The following PCDH15 variants were observed in gnomAD, a reference collection of about 807,000 sequenced individuals.
PCDH15 encodes the protein protocadherin-15.
PCDH15 carries 129 observed loss-of-function variants against 178.5 expected under a neutral mutation model. That is an observed-to-expected ratio of 0.72 (90% CI 0.63 to 0.84). The LOEUF (loss-of-function observed/expected upper bound fraction) is 0.84, where lower values mean the gene tolerates loss of function less well. Among genes scored for constraint, PCDH15 ranks in the 40% least tolerant of loss-of-function variants. PCDH15 has a pLI of 0.00. For synonymous variants in PCDH15, 800 were observed against 732.0 expected, an observed-to-expected ratio of 1.09 and a Z score of -1.50; for missense variants, 2,230 against 2,099.9, an observed-to-expected ratio of 1.06 and a Z score of -1.21.
chr10:54,066,043 A>G (rs1294283049), intron 18 of PCDH15, among the ~76,000 whole-genome samples: 1 of 152,182 alleles, frequency 6.6e-6, no homozygotes, highest in African/African-American at 2.4e-5. Flanking sequence ...TCACTAAACC[A>G]AGATTCTTTC....
chr10:55,161,461 A>G (rs184201289), intron 2 of PCDH15, among the ~76,000 whole-genome samples: 14 of 152,206 alleles, frequency 9.2e-5, no homozygotes, highest in African/African-American at 2.6e-4. Flanking sequence ...ACCCAGCCAC[A>G]TATTTGTTTC....
chr10:55,302,179 G>T (rs1378713624), intron 1 of PCDH15, among the ~76,000 whole-genome samples: 1 of 151,968 alleles, frequency 6.6e-6, no homozygotes, highest in Non-Finnish European at 1.5e-5. Context: ...TGCCAATGTA[G>T]ACAGAATTGG....
chr10:54,115,492 G>A (rs1435578964), intron 15 of PCDH15, among the ~76,000 whole-genome samples: 1 of 152,202 alleles, frequency 6.6e-6, no homozygotes, highest in Admixed American at 6.5e-5. Context: ...GTCCTATTCA[G>A]AGAATGCCTC....
At chr10:55,595,052 C>T (rs1240881399) in intron 2 of PCDH15, among the ~76,000 whole-genome samples, 1 of 151,968 alleles carries the variant, frequency 6.6e-6, no homozygotes, top group Non-Finnish European at 1.5e-5. Context: ...AATTTTTAAT[C>T]ATTGAAATTC....
At chr10:53,954,959 A>G (rs1337090824) in intron 23 of PCDH15, among the ~76,000 whole-genome samples, 2 of 152,204 alleles carry the variant, frequency 1.3e-5, no homozygotes, top group Non-Finnish European at 2.9e-5. Context: ...GAATCTGTAA[A>G]TTGTTTACAA....
chr10:54,135,801 C>G (rs557712697), intron 14 of PCDH15, among the ~76,000 whole-genome samples: 13 of 152,000 alleles, frequency 8.6e-5, no homozygotes, highest in Non-Finnish European at 1.8e-4. Context: ...TTGACGCTGC[C>G]CTCAATGATC....
At chr10:54,474,849 C>T (rs1172367244) in intron 3 of PCDH15, among the ~76,000 whole-genome samples, 2 of 151,830 alleles carry the variant, frequency 1.3e-5, no homozygotes, top group Non-Finnish European at 2.9e-5. Flanking sequence ...ATTCTTTGAA[C>T]AGAGTGAAAA....
At chr10:55,535,003 A>G (rs1841539032) in intron 2 of PCDH15, among the ~76,000 whole-genome samples, 1 of 152,076 alleles carries the variant, frequency 6.6e-6, no homozygotes, top group Non-Finnish European at 1.5e-5. Context: ...GGAGCTAAAC[A>G]TTGAGCACAC....
chr10:54,817,155 C>A (rs961343314), intron 3 of PCDH15, among the ~76,000 whole-genome samples: 2 of 151,812 alleles, frequency 1.3e-5, no homozygotes, highest in African/African-American at 4.8e-5. Flanking sequence ...ATGTAAAATA[C>A]ATTAAGAGAA....
intron 4 of PCDH15, among the ~76,000 whole-genome samples, chr10:54,373,517 A>C (rs1947988384): frequency 6.6e-6 from 1 of 152,016 alleles, no homozygotes; most frequent in African/African-American, 2.4e-5. Context: ...ATTACCTAAA[A>C]AGAAAATATC....
intron 1 of PCDH15, among the ~76,000 whole-genome samples, chr10:54,792,123 G>A (rs939588250): frequency 5.3e-5 from 8 of 151,702 alleles, no homozygotes; most frequent in Non-Finnish European, 1.0e-4. Context: ...GCTCCAAAAT[G>A]GACTGGAATA....
At chr10:54,402,133 AC>A (rs1952010064) in intron 3 of PCDH15, among the ~76,000 whole-genome samples, 2 of 151,958 alleles carry the variant, frequency 1.3e-5, no homozygotes, top group Admixed American at 1.3e-4. Flanking sequence ...AGGGAAAAAA[AC>A]ATAACTCAAA....
intron 2 of PCDH15, 45 bp from the exon 3 acceptor site, chr10:54,527,922 A>G: frequency 6.7e-7 from 1 of 1,484,808 alleles, no homozygotes; most frequent in Non-Finnish European, 9.4e-7. Context: ...CTGCAGGGGC[A>G]CACACAATGA....
intron 2 of PCDH15, among the ~76,000 whole-genome samples, chr10:55,147,947 A>T (rs1279767516): frequency 6.6e-6 from 1 of 151,734 alleles, no homozygotes; most frequent in Non-Finnish European, 1.5e-5. Context: ...GTAACTCAGT[A>T]GTAATTACTG....
chr10:54,201,723 C>T (rs1475614081), intron 10 of PCDH15, among the ~76,000 whole-genome samples: 7 of 138,562 alleles, frequency 5.1e-5, no homozygotes, highest in Non-Finnish European at 4.6e-5. Context: ...AATTCCCATT[C>T]GATAGATATT....
rs57295345 is a variant in PCDH15 at position 54,344,904 on chromosome 10, C to CAAAAAAAAAA, written c.594+1451_594+1460dup. Reference sequence around the variant, plus strand: ...AAAGTCCTCTTTTAGAGAAACAAAGCAAAAAAAAAAAAAAAAAAAAAACAA... The same window carrying CAAAAAAAAAA: ...AAAGTCCTCTTTTAGAGAAACAAAGCAAAAAAAAAAAAAAAAAAAAAAAAAAAAAAAACAA... On this transcript the variant is annotated intron_variant, in intron 6 of 37. Coordinates refer to ENST00000644397, the MANE Select transcript of PCDH15 (RefSeq NM_001384140.1). 7.6e-5 allele frequency among the ~76,000 whole-genome samples: 6 copies of CAAAAAAAAAA among 78,886 alleles called. No homozygotes were observed. The East Asian group carries it at 2.1e-3, about 28-fold the overall frequency. The allele number at this position is 78,886 out of a possible 152,430, so 51.8% of individuals were successfully genotyped here.
At chr10:54,752,270 A>G (rs1464465563) in intron 1 of PCDH15, among the ~76,000 whole-genome samples, 1 of 151,260 alleles carries the variant, frequency 6.6e-6, no homozygotes, top group African/African-American at 2.4e-5. Flanking sequence ...AAGTCAGGAG[A>G]TGGAGACCAT....
intron 2 of PCDH15, among the ~76,000 whole-genome samples, chr10:55,598,603 C>G (rs1281878468): frequency 1.5e-5 from 2 of 137,200 alleles, no homozygotes; most frequent in South Asian, 4.9e-4. Context: ...AAGGTGTAGT[C>G]CATGGGATGG....
At chr10:55,154,661 T>C (rs955486890) in intron 2 of PCDH15, among the ~76,000 whole-genome samples, 2 of 152,148 alleles carry the variant, frequency 1.3e-5, no homozygotes, top group African/African-American at 4.8e-5. Flanking sequence ...TATAGTGCTA[T>C]AGACCACTCT....
Sources: allele counts gnomAD v4.1 joint callset (sites outside exome capture counted in the v4.1 genomes callset), GRCh38; gene constraint gnomAD v4.1.1; transcripts MANE v1.5; gene names NCBI Gene and HGNC (gene_info 2026-07-23, HGNC 2026-07-21).